The following SFXN4 variants were observed in gnomAD, a reference collection of about 807,000 sequenced individuals.
The protein encoded by SFXN4 is sideroflexin 4, also known as sideroflexin-4.
A neutral mutation model predicts 54.6 loss-of-function variants in SFXN4; 48 were observed. That is an observed-to-expected ratio of 0.88 (90% CI 0.70 to 1.12). SFXN4 has a LOEUF of 1.12. Among genes scored for constraint, SFXN4 ranks in the 50% most tolerant of loss-of-function variants. The pLI, the probability that SFXN4 is intolerant of heterozygous loss-of-function variation, is 0.00. For synonymous variants in SFXN4, 130 were observed against 145.5 expected (o/e 0.89, Z 0.77); for missense variants, 383 against 409.2 (o/e 0.94, Z 0.55).
intron 13 of SFXN4, among the ~76,000 whole-genome samples, chr10:119,145,515 G>C (rs1423901812): frequency 2.6e-5 from 4 of 151,994 alleles, no homozygotes; most frequent in Non-Finnish European, 5.9e-5. Flanking sequence ...CGTTGGCCAA[G>C]CTGCTCTTGA....
chr10:119,147,744 C>G (rs1438883999), intron 12 of SFXN4, 31 bp downstream of exon 12: 1 of 1,590,752 alleles, frequency 6.3e-7, no homozygotes, highest in African/African-American at 1.3e-5. Flanking sequence ...ACTTTCAAAT[C>G]CCTACCTGGG....
At chr10:119,157,236 C>G (rs1299988982) in intron 9 of SFXN4, among the ~76,000 whole-genome samples, 1 of 152,020 alleles carries the variant, frequency 6.6e-6, no homozygotes, top group Non-Finnish European at 1.5e-5. Context: ...TGAGATCAAC[C>G]TGGCCAACAT....
chr10:119,156,543 C>T (rs1847286091), intron 10 of SFXN4, 135 bp downstream of exon 10: 2 of 698,774 alleles, frequency 2.9e-6, no homozygotes, highest in Non-Finnish European at 5.0e-6. Flanking sequence ...GGCTTGGGGG[C>T]CTGCCGGGCT....
In SFXN4 at chr10:119,141,095, A is replaced by C; in HGVS notation, c.*147T>G. 1.7e-6 allele frequency: 1 copy of C among 578,094 alleles called. No homozygotes were observed. Among genetic ancestry groups the C allele is most frequent in the East Asian group, 2.9e-5 (1 of 34,128 alleles). 35.8% of individuals were successfully genotyped at this position (578,094 alleles called of 1,614,324 possible). A position where few individuals can be genotyped will look rare whatever the true frequency, so the allele number is the denominator to read the frequency against. ...AAACCCCAGAGACGCCAGCCTGGGA[A>C]CGATCTCAGTATGGAATCTGAAGTC... On this transcript the variant is annotated 3_prime_UTR_variant, in exon 14 of 14. Coordinates refer to ENST00000355697, the MANE Select transcript of SFXN4 (RefSeq NM_213649.2).
At chr10:119,156,862 A>G in intron 9 of SFXN4, 106 bp from the exon 10 acceptor site, 1 of 753,522 alleles carries the variant, frequency 1.3e-6, no homozygotes. Flanking sequence ...TACAAGTCAG[A>G]CCACTGCCAG....
rs565234590 is a variant in SFXN4, at chr10:119,154,480, A to G, written c.732+582T>C. On this transcript the variant is annotated intron_variant, in intron 11 of 13. Coordinates refer to ENST00000355697, the MANE Select transcript of SFXN4 (RefSeq NM_213649.2). ...GGTGGGAGGATCACTTGAACTCAGG[A>G]GTGAATGGGAGGGACAATGGAGACA... Among the ~76,000 whole-genome samples the G allele has an allele frequency of 4.6e-5, 7 of 152,246 alleles. No homozygotes were observed. The East Asian group carries it at 1.2e-3, about 25-fold the overall frequency.
In SFXN4 at chr10:119,165,652, C is replaced by G. The variant is rs376899951; in HGVS notation, c.-5G>C. The G allele has an allele frequency of 3.4e-5, 54 of 1,579,006 alleles. 1 individual carries two copies. The African/African-American group carries it at 7.2e-4, about 21-fold the overall frequency. On this transcript the variant is annotated 5_prime_UTR_variant, in exon 1 of 14. Coordinates refer to ENST00000355697, the MANE Select transcript of SFXN4 (RefSeq NM_213649.2). ...CTCCTCCTGTTCCAGGGACATTTTGCGCTGGTTAGAGTGGCCGCCGCCGCC... is the reference window on the plus strand; with the variant it reads ...CTCCTCCTGTTCCAGGGACATTTTGGGCTGGTTAGAGTGGCCGCCGCCGCC...
chr10:119,163,216 A>G (rs1459765654), intron 2 of SFXN4, among the ~76,000 whole-genome samples: 1 of 149,720 alleles, frequency 6.7e-6, no homozygotes, highest in Non-Finnish European at 1.5e-5. Context: ...TTCTAATTTT[A>G]TTACATTTTC....
At chr10:119,163,684 T>A (rs547537664) in intron 2 of SFXN4, among the ~76,000 whole-genome samples, 1 of 152,050 alleles carries the variant, frequency 6.6e-6, no homozygotes, top group Non-Finnish European at 1.5e-5. Flanking sequence ...ATTAAAGGCA[T>A]GAGCCACGGC....
At chr10:119,148,418 GT>G (rs1292739353) in intron 11 of SFXN4, among the ~76,000 whole-genome samples, 2 of 152,104 alleles carry the variant, frequency 1.3e-5, no homozygotes, top group Non-Finnish European at 2.9e-5. Flanking sequence ...ACAAGCAAAG[GT>G]GGCTTCTAGA....
intron 11 of SFXN4, among the ~76,000 whole-genome samples, chr10:119,150,540 T>C (rs1297261506): frequency 6.6e-6 from 1 of 151,806 alleles, no homozygotes; most frequent in Non-Finnish European, 1.5e-5. Context: ...ACATTAGCCA[T>C]GTATGGCGGT....
chr10:119,165,025 G>GTTTGC (rs1847711237), intron 1 of SFXN4, among the ~76,000 whole-genome samples: 1 of 151,972 alleles, frequency 6.6e-6, no homozygotes, highest in South Asian at 2.1e-4. Flanking sequence ...AATTTCAGCT[G>GTTTGC]TTTTTATCTT....
chr10:119,155,220 G>T (rs1185285622), intron 10 of SFXN4, 43 bp from the exon 11 acceptor site: 2 of 1,361,884 alleles, frequency 1.5e-6, no homozygotes, highest in Non-Finnish European at 2.1e-6. Context: ...ACGGGGGTGA[G>T]TCTTGTTCCA....
intron 10 of SFXN4, among the ~76,000 whole-genome samples, chr10:119,156,240 T>C (rs1235367748): frequency 1.3e-5 from 2 of 152,070 alleles, no homozygotes; most frequent in Non-Finnish European, 2.9e-5. Context: ...TTGGCCAACA[T>C]GGTGAAAGCC....
chr10:119,153,040 C>G (rs1197074050), intron 11 of SFXN4, among the ~76,000 whole-genome samples: 1 of 152,046 alleles, frequency 6.6e-6, no homozygotes, highest in Non-Finnish European at 1.5e-5. Context: ...AAGTCCACAC[C>G]CAAAATGAAA....
chr10:119,148,831 T>C (rs1202558070), intron 11 of SFXN4, among the ~76,000 whole-genome samples: 1 of 152,182 alleles, frequency 6.6e-6, no homozygotes, highest in Non-Finnish European at 1.5e-5. Context: ...TTTAAGGGAC[T>C]TGTAAGGGAA....
intron 3 of SFXN4, 62 bp from the exon 4 acceptor site, chr10:119,161,143 T>C: frequency 6.4e-7 from 1 of 1,561,192 alleles, no homozygotes; most frequent in South Asian, 1.1e-5. Context: ...GACAAGGTCT[T>C]GCTCTGTCAC....
At chr10:119,144,732 A>T (rs1015024034) in intron 13 of SFXN4, among the ~76,000 whole-genome samples, 17 of 152,230 alleles carry the variant, frequency 1.1e-4, no homozygotes, top group African/African-American at 3.9e-4. Flanking sequence ...ATTATAAATT[A>T]TCTATAGAAC....
Position 119,165,543 on chromosome 10 carries a change from C to A in SFXN4, c.105G>T (p.Glu35Asp). 6.3e-7 allele frequency: 1 copy of A among 1,583,556 alleles called. No individual in the cohort carries two copies. The highest frequency in any genetic ancestry group is 8.6e-7 in the Non-Finnish European group (1 of 1,168,500). ...IEPNVRFWIT[E>D]RQSFIRRFLQ... ...CGCCGGGCCCGGGCCGTACTTGGCG[C>A]TCGGTGATCCAGAAGCGCACGTTGG... Residue 35 changes from glutamate to aspartate, a missense_variant, in exon 1 of 14, where the codon GAG becomes GAT. Coordinates refer to ENST00000355697, the MANE Select transcript of SFXN4 (RefSeq NM_213649.2).
Sources: gnomAD v4.1 joint callset for allele counts (sites outside exome capture counted in the v4.1 genomes callset) on GRCh38, gnomAD v4.1.1 for gene constraint, MANE v1.5 for transcripts, NCBI Gene and HGNC (gene_info 2026-07-23, HGNC 2026-07-21) for gene names.